FAF1: variants seen among roughly 807,000 people sequenced by gnomAD.
FAF1 encodes FAS-associated factor 1.
A neutral mutation model predicts 92.5 loss-of-function variants in FAF1; 25 were observed. That is an observed-to-expected ratio of 0.27 (90% confidence interval 0.20 to 0.38). FAF1 has a LOEUF of 0.38. Ranked by LOEUF, FAF1 falls within the 10% of genes least tolerant of loss-of-function variation. FAF1 has a pLI of 1.00. For missense variants in FAF1, 636 were observed against 793.3 expected (o/e 0.80, Z 2.38); for synonymous variants, 234 against 273.2 (o/e 0.86, Z 1.42).
At position 50,870,967 on chromosome 1, in the gene FAF1, A is replaced by C. The variant is rs558359601; in HGVS notation, c.46-12970T>G. Among the ~76,000 whole-genome samples, 4 of 152,368 alleles carry C rather than the reference A, an allele frequency of 2.6e-5. No individual in the cohort carries two copies. The South Asian group carries it at 8.3e-4, about 32-fold the overall frequency. On this transcript the variant is annotated intron_variant, in intron 1 of 18. Transcript: ENST00000396153. ...CCAAATAGCCACATTGTGAATGCAA[A>C]GGAAAAGTTCTTGAGGGAAATTACG...
chr1:50,529,171 T>A (rs1405926447), intron 15 of FAF1, among the ~76,000 whole-genome samples: 1 of 152,194 alleles, frequency 6.6e-6, no homozygotes, highest in Non-Finnish European at 1.5e-5. Flanking sequence ...TTTGTACTGG[T>A]TTGCAGTTAT....
chr1:50,722,210 C>T (rs1226033581), intron 6 of FAF1, among the ~76,000 whole-genome samples: 1 of 152,152 alleles, frequency 6.6e-6, no homozygotes, highest in East Asian at 1.9e-4. Flanking sequence ...CCAAAAAGCA[C>T]TGTTTCTAGT....
At chr1:50,493,976 G>C (rs920454266) in intron 15 of FAF1, among the ~76,000 whole-genome samples, 1 of 152,226 alleles carries the variant, frequency 6.6e-6, no homozygotes, top group Non-Finnish European at 1.5e-5. Context: ...GACTGTAGGA[G>C]ATATGAAAGG....
intron 1 of FAF1, among the ~76,000 whole-genome samples, chr1:50,870,022 C>T (rs143005323): frequency 3.9e-5 from 6 of 152,310 alleles, no homozygotes; most frequent in Admixed American, 3.9e-4. Context: ...CCTGTACATG[C>T]ATTTGCTGAA....
At chr1:50,541,624 CT>C (rs1387600411) in intron 13 of FAF1, among the ~76,000 whole-genome samples, 1 of 152,044 alleles carries the variant, frequency 6.6e-6, no homozygotes, top group Non-Finnish European at 1.5e-5. Context: ...GGAGTAAGTC[CT>C]TGTTGCTTTC....
intron 13 of FAF1, among the ~76,000 whole-genome samples, chr1:50,543,530 G>A (rs1474186057): frequency 6.6e-6 from 1 of 152,174 alleles, no homozygotes; most frequent in East Asian, 1.9e-4. Flanking sequence ...GATGAAATAA[G>A]TTAAGATACA....
At position 50,567,690 on chromosome 1, in the gene FAF1, G is replaced by C. The variant is rs190577130; in HGVS notation, c.1114-459C>G. Among the ~76,000 whole-genome samples the C allele has an allele frequency of 6.4e-3, 977 of 152,078 alleles. 3 individuals carry two copies. Among genetic ancestry groups the C allele is most frequent in the Middle Eastern group, 0.02 (6 of 294 alleles). On this transcript the variant is annotated intron_variant, in intron 12 of 18. Coordinates refer to ENST00000396153, the MANE Select transcript of FAF1 (RefSeq NM_007051.3). ...ATGGTTTTAATCTGAACAATGGATA[G>C]TCTCTTCCATTTGAAAGGAAAAGGT...
At chr1:50,642,278 G>T (rs1314398440) in intron 8 of FAF1, among the ~76,000 whole-genome samples, 1 of 151,506 alleles carries the variant, frequency 6.6e-6, no homozygotes, top group Non-Finnish European at 1.5e-5. Context: ...CTTATGTTTA[G>T]TGTTTGGATG....
intron 4 of FAF1, among the ~76,000 whole-genome samples, chr1:50,746,639 G>A (rs1438723211): frequency 1.3e-5 from 2 of 152,038 alleles, no homozygotes; most frequent in Non-Finnish European, 2.9e-5. Flanking sequence ...GAGTGTAAAA[G>A]TTTGAAAAAT....
At chr1:50,845,402 C>T (rs1397144993) in intron 2 of FAF1, among the ~76,000 whole-genome samples, 1 of 152,148 alleles carries the variant, frequency 6.6e-6, no homozygotes, top group Non-Finnish European at 1.5e-5. Flanking sequence ...GCCTCCTGTC[C>T]ACCCACTAGG....
In FAF1 at chr1:50,438,419, G is replaced by A. The variant is rs1440757462; in HGVS notation, c.*3021C>T. The A allele has an allele frequency of 6.6e-6, 1 of 152,046 alleles. No homozygotes were observed. Among genetic ancestry groups the A allele is most frequent in the Non-Finnish European group, 1.5e-5 (1 of 68,028 alleles). The allele number at this position is 152,046 out of a possible 1,614,324, so 9.4% of individuals were successfully genotyped here. On this transcript the variant is annotated 3_prime_UTR_variant, in exon 19 of 19. Transcript: ENST00000396153. ...TATGTGAAGATCTCTCTTCCTCTAA[G>A]AATTTTAAAAAGGATCAAAAGAGAA...
chr1:50,547,948 A>C (rs1233225223), intron 13 of FAF1, among the ~76,000 whole-genome samples: 1 of 152,204 alleles, frequency 6.6e-6, no homozygotes, highest in East Asian at 1.9e-4. Flanking sequence ...AATGGTGTTT[A>C]CTTTTTCTCA....
intron 8 of FAF1, among the ~76,000 whole-genome samples, chr1:50,653,719 AC>A (rs1283155041): frequency 6.6e-6 from 1 of 152,076 alleles, no homozygotes; most frequent in African/African-American, 2.4e-5. Flanking sequence ...TACAAAAATT[AC>A]CCGGGTGTGG....
intron 6 of FAF1, among the ~76,000 whole-genome samples, chr1:50,724,741 T>C (rs1658574531): frequency 6.6e-6 from 1 of 152,236 alleles, no homozygotes; most frequent in African/African-American, 2.4e-5. Context: ...CATACCACGT[T>C]AGATTTCACA....
At chr1:50,794,342 G>A (rs1049020489) in intron 3 of FAF1, among the ~76,000 whole-genome samples, 7 of 152,364 alleles carry the variant, frequency 4.6e-5, no homozygotes, top group East Asian at 1.9e-4. Context: ...TTACACTGCT[G>A]TAGTACTACG....
chr1:50,495,122 C>T (rs1646883829), intron 15 of FAF1, among the ~76,000 whole-genome samples: 1 of 152,044 alleles, frequency 6.6e-6, no homozygotes, highest in South Asian at 2.1e-4. Context: ...ACAAACAATC[C>T]AGTTAAAATC....
At chr1:50,623,977 GAGGAAGAAGAGGAAGAAGA>G (rs1227745430) in intron 8 of FAF1, among the ~76,000 whole-genome samples, 10 of 151,132 alleles carry the variant, frequency 6.6e-5, no homozygotes, top group African/African-American at 2.4e-4. Flanking sequence ...GAAAGAAGAA[GAGGAAGAAGAGGAAGAAGA>G]AGGAAGAAGA....
At chr1:50,782,698 T>C (rs1044723526) in intron 4 of FAF1, among the ~76,000 whole-genome samples, 3 of 152,104 alleles carry the variant, frequency 2.0e-5, no homozygotes, top group Non-Finnish European at 2.9e-5. Flanking sequence ...GTTTTAAAAG[T>C]TTTAAAATTT....
rs753179111 is a variant in FAF1, at chr1:50,475,485, C to T, written c.1848G>A (p.Leu616=). The part of the protein sequence containing the change: ...KGFPWDEYKL[L]STFPRRDVTQ... ...TTACGTCTCTCCTAGGAAAGGTGCT[C>T]AGTAACTTGTACTCATCCCATGGAA... The change falls in exon 18 of 19, where the codon CTG becomes CTA. Residue 616 remains leucine, a synonymous_variant. Coordinates refer to ENST00000396153, the MANE Select transcript of FAF1 (RefSeq NM_007051.3). The T allele has an allele frequency of 1.1e-5, 17 of 1,613,524 alleles. No individual in the cohort carries two copies. Among genetic ancestry groups the T allele is most frequent in the African/African-American group, 2.7e-5 (2 of 74,916 alleles).
Sources: allele counts gnomAD v4.1 joint callset (sites outside exome capture counted in the v4.1 genomes callset), GRCh38; gene constraint gnomAD v4.1.1; transcripts MANE v1.5; gene names NCBI Gene and HGNC (gene_info 2026-07-23, HGNC 2026-07-21).